MYH7: variants seen among roughly 807,000 people sequenced by gnomAD.
MYH7 encodes the protein myosin-7.
MYH7 carries 129 observed loss-of-function variants against 225.4 expected under a neutral mutation model. The observed-to-expected ratio is 0.57, with a 90% confidence interval of 0.50 to 0.66. The LOEUF (loss-of-function observed/expected upper bound fraction) is 0.66, where lower values mean the gene tolerates loss of function less well. MYH7 is among the 30% of genes least tolerant of loss of function. The pLI is 0.00. For missense variants in MYH7, 1,649 were observed against 2,517.0 expected (o/e 0.66, Z 7.38); for synonymous variants, 971 against 1,007.6 (o/e 0.96, Z 0.69).
intron 16 of MYH7, 37 bp downstream of exon 16, chr14:23,427,548 C>T (rs866261757): frequency 1.9e-6 from 3 of 1,611,062 alleles, no homozygotes; most frequent in Middle Eastern, 3.3e-4. Context: ...GGCAGAATCC[C>T]TGCTCCTCTG....
At chr14:23,434,413 C>T (rs748421779) in intron 1 of MYH7, 164 bp from the exon 2 acceptor site, 1 of 278,462 alleles carries the variant, frequency 3.6e-6, no homozygotes, top group African/African-American at 2.3e-5. Flanking sequence ...TTTTCAAACC[C>T]TATTCCCTTT....
intron 1 of MYH7, among the ~76,000 whole-genome samples, chr14:23,434,462 C>T (rs1431318272): frequency 6.6e-6 from 1 of 152,230 alleles, no homozygotes; most frequent in Non-Finnish European, 1.5e-5. Context: ...CTGGTGTCAA[C>T]TCAACCTGAA....
Position 23,415,624 on chromosome 14 carries a change from CT to C in MYH7, c.5157+4del, listed in dbSNP as rs755840087. The C allele has an allele frequency of 2.5e-6, 4 of 1,613,614 alleles. No homozygotes were observed. In the African/African-American group the frequency reaches 5.3e-5, roughly 22 times the overall value. ...CCTTCAGGAATGAGCAGGGGAGCTG[CT>C]CACCTGGGAATGCAGCAGCTGCACC... On this transcript the variant is annotated splice_donor_region_variant and intron_variant, in intron 35 of 39. Coordinates refer to ENST00000355349, the MANE Select transcript of MYH7 (RefSeq NM_000257.4). The surrounding 1 kb of genome is among the most constrained non-coding windows in gnomAD (Gnocchi z 6.3).
intron 1 of MYH7, among the ~76,000 whole-genome samples, chr14:23,434,601 C>T (rs149355381): frequency 5.6e-4 from 86 of 152,332 alleles, no homozygotes; most frequent in African/African-American, 2.0e-3. Context: ...TCTAAAAGCA[C>T]TTCAATGCAC....
intron 31 of MYH7, 58 bp from the exon 32 acceptor site, chr14:23,417,376 C>T: frequency 3.7e-6 from 6 of 1,611,988 alleles, no homozygotes; most frequent in Admixed American, 1.7e-5. Flanking sequence ...TGTCCAGGGT[C>T]TGTCTCAGGA....
In MYH7 at chr14:23,419,538, G is replaced by A; in HGVS notation, c.3798C>T (p.Thr1266=). 1.2e-6 allele frequency: 2 copies of A among 1,614,094 alleles called. No homozygotes were observed. The highest frequency in any genetic ancestry group is 8.5e-7 in the Non-Finnish European group (1 of 1,180,014). The part of the protein sequence containing the change: ...MNEHRSKAEE[T]QRSVNDLTSQ... The stretch of plus-strand genomic sequence containing the variant: ...TGGTGAGGTCGTTGACAGAACGCTG[G>A]GTCTCCTCCGCCTTGCTCCGGTGCT... The change falls in exon 28 of 40, where the codon ACC becomes ACT. Residue 1266 remains threonine (T), a synonymous_variant. Coordinates refer to ENST00000355349, the MANE Select transcript of MYH7 (RefSeq NM_000257.4).
At position 23,433,357 on chromosome 14, in the gene MYH7, C is replaced by A; in HGVS notation, c.202-130G>T. On this transcript the variant is annotated intron_variant, in intron 3 of 39. Transcript: ENST00000355349. This position sits in a 1 kb window ranked among gnomAD's most constrained non-coding sequence, Gnocchi z 4.1. ...AGGAACCAGGATCTCACAGGGAAGA[C>A]AGAAGGGATATTGGGAAGGAGAGGG... 1 of 1,479,756 alleles carries A rather than the reference C, an allele frequency of 6.8e-7. No individual in the cohort carries two copies. Among genetic ancestry groups the A allele is most frequent in the East Asian group, 2.3e-5 (1 of 42,968 alleles). The allele number at this position is 1,479,756 out of a possible 1,614,324, so 91.7% of individuals were successfully genotyped here.
chr14:23,427,231 C>G lies in MYH7; in HGVS notation c.1956+9G>C, dbSNP rs776423914. On this transcript the variant is annotated intron_variant, in intron 17 of 39. Coordinates refer to ENST00000355349, the MANE Select transcript of MYH7 (RefSeq NM_000257.4). ...GGAGCCAAGTTGGCTGGGGCTGTGT[C>G]CCACTCACCCTGTGCAGAGCTGACA... is the stretch of plus-strand genomic sequence containing the variant. 5.0e-6 allele frequency: 8 copies of G among 1,613,350 alleles called. No homozygotes were observed. In the South Asian group the frequency reaches 7.7e-5, roughly 16 times the overall value.
At position 23,415,211 on chromosome 14, in the gene MYH7, G is replaced by C. The variant is rs1892138680; in HGVS notation, c.5343C>G (p.Arg1781=). ...KEQDTSAHLE[R]MKKNMEQTIK... is the part of the protein sequence containing the mutation. ...TGGTCTGTTCCATGTTCTTCTTCATGCGCTCCAGGTGGGCGCTGGTGTCCT... is the reference window on the plus strand; with the variant it reads ...TGGTCTGTTCCATGTTCTTCTTCATCCGCTCCAGGTGGGCGCTGGTGTCCT... Residue 1781 remains arginine (R), a synonymous_variant, in exon 37 of 40, where the codon CGC becomes CGG. Transcript: ENST00000355349. This position sits in a 1 kb window ranked among gnomAD's most constrained non-coding sequence, Gnocchi z 6.3. The C allele has an allele frequency of 6.2e-7, 1 of 1,614,122 alleles. No individual in the cohort carries two copies. The highest frequency in any genetic ancestry group is 8.5e-7 in the Non-Finnish European group (1 of 1,180,066).
rs1166440691 is a variant in MYH7, at chr14:23,427,570, T to G, written c.1888+15A>C. 4 of 1,613,530 alleles carry G rather than the reference T, an allele frequency of 2.5e-6. No individual in the cohort carries two copies. Among genetic ancestry groups the G allele is most frequent in the Non-Finnish European group, 3.4e-6 (4 of 1,179,886 alleles). On this transcript the variant is annotated intron_variant, in intron 16 of 39. Coordinates refer to ENST00000355349, the MANE Select transcript of MYH7 (RefSeq NM_000257.4). ...TCCCTGCTCCTCTGTACCGGGAGCC[T>G]CAGTCCCTACTTACGCGCATCAGCC...
rs1435525455 is a variant in MYH7, at chr14:23,416,062, G to A, written c.4895C>T (p.Ala1632Val). The A allele has an allele frequency of 6.2e-7, 1 of 1,614,238 alleles. No homozygotes were observed. The highest frequency in any genetic ancestry group is 2.2e-5 in the East Asian group (1 of 44,890). Residue 1632 changes from alanine (A) to valine (V), a missense_variant, in exon 34 of 40, where the codon GCC becomes GTC. By Grantham distance (64) the Ala-to-Val change is moderately conservative. This residue lies in a region of MYH7 where 687 missense variants were observed against 913.8 expected (regional missense o/e 0.75). Transcript: ENST00000355349. ...LNEMEIQLSH[A>V]NRMAAEAQKQ... Reference sequence around the variant, plus strand: ...CTGGGCCTCGGCGGCCATGCGGTTGGCGTGGCTGAGCTGGATCTCCATCTC... The same window carrying A: ...CTGGGCCTCGGCGGCCATGCGGTTGACGTGGCTGAGCTGGATCTCCATCTC...
In MYH7 at chr14:23,423,695, C is replaced by A. The variant is rs1892575677; in HGVS notation, c.2951G>T (p.Gly984Val). Residue 984 changes from glycine (G) to valine (V), a missense_variant, in exon 24 of 40, where the codon GGG becomes GTG. Physicochemically the swap from Gly to Val is moderately radical, Grantham distance 109 (BLOSUM62 -3). Coordinates refer to ENST00000355349, the MANE Select transcript of MYH7 (RefSeq NM_000257.4). ...KVKNLTEEMA[G>V]LDEIIAKLTK... The stretch of plus-strand genomic sequence containing the variant: ...CAGCTTGGCAATGATCTCATCCAGC[C>A]CAGCCATCTCCTCTGTCAGGTTTTT... 3 of 1,614,078 alleles carry A rather than the reference C, an allele frequency of 1.9e-6. No individual in the cohort carries two copies. In the South Asian group the frequency reaches 3.3e-5, roughly 18 times the overall value.
chr14:23,421,331 C>T (rs903532401), intron 25 of MYH7, among the ~76,000 whole-genome samples: 6 of 152,144 alleles, frequency 3.9e-5, no homozygotes, highest in African/African-American at 1.2e-4. Flanking sequence ...ATGAGGGGGT[C>T]GGACTAGATT....
Position 23,433,535 on chromosome 14 carries a change from G to A in MYH7, c.198C>T (p.Gly66=). ...GGKVTAETEY[G]KTVTVKEDQV... ...CTCACATCAGCCTGACACCCACCTT[G>A]CCATACTCGGTCTCGGCAGTGACTT... Residue 66 remains glycine (G), a synonymous_variant, in exon 3 of 40, where the codon GGC becomes GGT. Coordinates refer to ENST00000355349, the MANE Select transcript of MYH7 (RefSeq NM_000257.4). This position sits in a 1 kb window ranked among gnomAD's most constrained non-coding sequence, Gnocchi z 4.1. 1 of 1,613,850 alleles carries A rather than the reference G, an allele frequency of 6.2e-7. No individual in the cohort carries two copies. Among genetic ancestry groups the A allele is most frequent in the Non-Finnish European group, 8.5e-7 (1 of 1,179,992 alleles).
chr14:23,412,923 A>G lies in MYH7; in HGVS notation c.5791-52T>C. ...AGTCCTTGGAGAGATGGTATTGGGC[A>G]GGGACAGGGCATGGGAACAAAGGTG... On this transcript the variant is annotated intron_variant, in intron 39 of 39. Transcript: ENST00000355349. 1.3e-6 allele frequency: 2 copies of G among 1,596,166 alleles called. 1 individual carries two copies. The highest frequency in any genetic ancestry group is 2.2e-5 in the South Asian group (2 of 90,650).
chr14:23,422,426 A>G, intron 24 of MYH7, 101 bp from the exon 25 acceptor site: 1 of 1,550,790 alleles, frequency 6.4e-7, no homozygotes, highest in South Asian at 1.1e-5. Flanking sequence ...TGTGTTCAGG[A>G]CTTGGGAAAC....
chr14:23,422,004 C>T (rs1892490163), intron 25 of MYH7, among the ~76,000 whole-genome samples, 176 bp downstream of exon 25: 1 of 152,158 alleles, frequency 6.6e-6, no homozygotes, highest in African/African-American at 2.4e-5. Flanking sequence ...TCTAACTAAC[C>T]CTGATATCTG....
Position 23,418,385 on chromosome 14 carries a change from C to G in MYH7, c.3994G>C (p.Ala1332Pro). The G allele has an allele frequency of 1.9e-6, 3 of 1,611,696 alleles. No homozygotes were observed. Among genetic ancestry groups the G allele is most frequent in the Non-Finnish European group, 2.5e-6 (3 of 1,178,572 alleles). The change falls in exon 30 of 40, where the codon GCA becomes CCA. Residue 1332 changes from alanine (A) to proline (P), a missense_variant. Physicochemically the swap from Ala to Pro is conservative, Grantham distance 27. Around this residue, in one of 12 missense-constraint regions of MYH7, gnomAD observed 687 missense variants for 913.8 expected, o/e 0.75. Transcript: ENST00000355349. Reference sequence around the variant, plus strand: ...CAGTCATGCCGGGCCGACTGCAGTGCGTGGGCCAGGGCGTTCTTCGCCTGG... The same window carrying G: ...CAGTCATGCCGGGCCGACTGCAGTGGGTGGGCCAGGGCGTTCTTCGCCTGG... Reference protein sequence around the residue: ...EVKAKNALAHALQSARHDCDL... With the variant: ...EVKAKNALAHPLQSARHDCDL...
rs765102182 is a variant in MYH7, at chr14:23,433,275, C to T, written c.202-48G>A. 8 of 1,613,460 alleles carry T rather than the reference C, an allele frequency of 5.0e-6. No homozygotes were observed. In the East Asian group the frequency reaches 6.7e-5, roughly 13 times the overall value. On this transcript the variant is annotated intron_variant, in intron 3 of 39. Transcript: ENST00000355349. This position sits in a 1 kb window ranked among gnomAD's most constrained non-coding sequence, Gnocchi z 4.1. ...CCTCCTGTCAGCCTGGGCTTTCCCT[C>T]CTTCCTCAAGAGGGTTAGGAGTTGG...
Sources: allele counts gnomAD v4.1 joint callset (sites outside exome capture counted in the v4.1 genomes callset), GRCh38; gene constraint gnomAD v4.1.1; regional missense constraint gnomAD v4.1.1; non-coding constraint Gnocchi (gnomAD v3.1); transcripts MANE v1.5; gene names NCBI Gene and HGNC (gene_info 2026-07-23, HGNC 2026-07-21).